Variants in ANKS3 observed in about 807,000 individuals in gnomAD.
The protein encoded by ANKS3 is ankyrin repeat and SAM domain-containing protein 3.
ANKS3 carries 62 observed loss-of-function variants against 80.7 expected under a neutral mutation model. That is an observed-to-expected ratio of 0.77 (90% confidence interval 0.63 to 0.95). The LOEUF (loss-of-function observed/expected upper bound fraction) is 0.95. Ranked by LOEUF, ANKS3 falls within the 40% of genes least tolerant of loss-of-function variation. The pLI, the probability that ANKS3 is intolerant of heterozygous loss-of-function variation, is 0.00. For missense variants in ANKS3, 1,150 were observed against 883.6 expected, an observed-to-expected ratio of 1.30 and a Z score of -3.82; for synonymous variants, 489 against 355.3, an observed-to-expected ratio of 1.38 and a Z score of -4.23.
chr16:4,729,918 T>C lies in ANKS3; in HGVS notation c.170+62A>G, dbSNP rs545957274. On this transcript the variant is annotated intron_variant, in intron 3 of 17. Transcript: ENST00000304283. The stretch of plus-strand genomic sequence containing the variant: ...CAACTGTGTGCAAAGCCCCATCACG[T>C]GGGATCGAAGCCATCACTGCGCTGC... The C allele has an allele frequency of 3.6e-6, 5 of 1,374,012 alleles. No individual in the cohort carries two copies. In the Admixed American group the frequency reaches 7.9e-5, roughly 22 times the overall value. 85.1% of individuals were successfully genotyped at this position (1,374,012 alleles called of 1,614,324 possible).
intron 11 of ANKS3, chr16:4,700,056 G>C (rs902865709): frequency 6.6e-6 from 1 of 152,474 alleles, no homozygotes; most frequent in Non-Finnish European, 1.5e-5. Context: ...GCTGCAGGGA[G>C]AAGCCGGCAA....
In ANKS3 at chr16:4,724,691, G is replaced by C. The variant is rs746599444; in HGVS notation, c.573+59C>G. Reference sequence around the variant, plus strand: ...AAATTCTGTAATAGCTTATACTTCAGTAATATGATTCCTCATTTGCCGTGA... The same window carrying C: ...AAATTCTGTAATAGCTTATACTTCACTAATATGATTCCTCATTTGCCGTGA... On this transcript the variant is annotated intron_variant, in intron 6 of 17. Transcript: ENST00000304283. 159 of 1,478,926 alleles carry C rather than the reference G, an allele frequency of 1.1e-4. 1 individual carries two copies. The highest frequency in any genetic ancestry group is 4.7e-4 in the Admixed American group (27 of 57,362). 91.6% of individuals were successfully genotyped at this position (1,478,926 alleles called of 1,614,324 possible). A position where few individuals can be genotyped will look rare whatever the true frequency, so the allele number is the denominator to read the frequency against.
chr16:4,707,271 C>T (rs746467344), intron 7 of ANKS3, among the ~76,000 whole-genome samples: 11 of 145,962 alleles, frequency 7.5e-5, no homozygotes, highest in Admixed American at 5.7e-4. Context: ...AAATATGACA[C>T]GGAAGGACAC....
chr16:4,730,445 G>C (rs1358503565), intron 2 of ANKS3, among the ~76,000 whole-genome samples: 2 of 152,164 alleles, frequency 1.3e-5, no homozygotes, highest in Non-Finnish European at 2.9e-5. Flanking sequence ...AGGTAAAAGA[G>C]AATTCTCCAC....
chr16:4,700,594 G>A, intron 11 of ANKS3: 1 of 368,704 alleles, frequency 2.7e-6, no homozygotes, highest in South Asian at 2.1e-5. Context: ...GAGGAGGATG[G>A]TGGCAGCTGT....
intron 6 of ANKS3, among the ~76,000 whole-genome samples, chr16:4,715,547 G>C (rs1431974116): frequency 5.3e-5 from 8 of 152,178 alleles, no homozygotes; most frequent in Non-Finnish European, 7.3e-5. Flanking sequence ...AGCGAGCTGA[G>C]ATCGCACCAC....
At chr16:4,732,678 C>CAAAAAAAAAAAAAAAAAAAAAA (rs373806788) in intron 1 of ANKS3, among the ~76,000 whole-genome samples, 1 of 69,962 alleles carries the variant, frequency 1.4e-5, no homozygotes. Context: ...AATTCTGTCT[C>CAAAAAAAAAAAAAAAAAAAAAA]AAAAAAAAAA....
chr16:4,705,120 G>A lies in ANKS3; in HGVS notation c.843C>T (p.Gly281=), dbSNP rs763735355. The stretch of plus-strand genomic sequence containing the variant: ...CATAGCGAGGCCGTGGGGCTCTGCC[G>A]CCCAGGCCAATGCCTGTGATCCTGG... The part of the protein sequence containing the change: ...ALARITGIGL[G]GRAPRPRYEQ... The change falls in exon 8 of 18, where the codon GGC becomes GGT. Residue 281 remains glycine, a synonymous_variant. Transcript: ENST00000304283. 26 of 1,612,794 alleles carry A rather than the reference G, an allele frequency of 1.6e-5. No individual in the cohort carries two copies. Among genetic ancestry groups the A allele is most frequent in the East Asian group, 2.2e-5 (1 of 44,884 alleles).
chr16:4,701,238 C>T (rs1363479958), intron 10 of ANKS3, 104 bp from the exon 11 acceptor site: 1 of 1,536,964 alleles, frequency 6.5e-7, no homozygotes, highest in African/African-American at 1.4e-5. Context: ...CGTGAAACCC[C>T]CCACCCGCCA....
In ANKS3 at chr16:4,727,193, A is replaced by T; in HGVS notation, c.171-16T>A. 4 of 1,613,260 alleles carry T rather than the reference A, an allele frequency of 2.5e-6. No individual in the cohort carries two copies. The highest frequency in any genetic ancestry group is 3.4e-6 in the Non-Finnish European group (4 of 1,179,786). On this transcript the variant is annotated splice_polypyrimidine_tract_variant and intron_variant, in intron 3 of 17. Coordinates refer to ENST00000304283, the MANE Select transcript of ANKS3 (RefSeq NM_133450.4). ...TAACTCTCTCCTAAACAAACGCAAG[A>T]TATGCTAGACATGGCCAGCCGCCTC...
chr16:4,701,061 C>T lies in ANKS3; in HGVS notation c.1193G>A (p.Ser398Asn). 1 of 1,614,116 alleles carries T rather than the reference C, an allele frequency of 6.2e-7. No homozygotes were observed. Among genetic ancestry groups the T allele is most frequent in the Non-Finnish European group, 8.5e-7 (1 of 1,180,040 alleles). Residue 398 changes from serine (S) to asparagine (N), a missense_variant, in exon 11 of 18, where the codon AGC (serine) becomes AAC (asparagine). Transcript: ENST00000304283. ...KSYMKTKNPD[S>N]QWPPRAATDR... is the part of the protein sequence containing the mutation. ...AGTTGCAGCGCGGGGAGGCCACTGG[C>T]TGTCAGGATTCTTGGTCTTCATGTA... is the stretch of plus-strand genomic sequence containing the variant.
intron 7 of ANKS3, among the ~76,000 whole-genome samples, chr16:4,706,435 C>A (rs906225982): frequency 1.6e-4 from 25 of 152,020 alleles, no homozygotes; most frequent in Non-Finnish European, 2.8e-4. Context: ...CGGGGTTTCA[C>A]CATGTTGGCC....
In ANKS3 at chr16:4,701,436, CGTT is replaced by C; in HGVS notation, c.1114_1116del (p.Asn372del). Reference sequence around the variant, plus strand: ...ACCAAGAAAGAAAGAATCCGTACCTCGTTGCTCTCCACAGAAGCTTCGCTGCTG... The same window carrying C: ...ACCAAGAAAGAAAGAATCCGTACCTCGCTCTCCACAGAAGCTTCGCTGCTG... On this transcript the variant is annotated inframe_deletion, in exon 10 of 18. Coordinates refer to ENST00000304283, the MANE Select transcript of ANKS3 (RefSeq NM_133450.4). 6.3e-7 allele frequency: 1 copy of C among 1,598,152 alleles called. No homozygotes were observed. Among genetic ancestry groups the C allele is most frequent in the South Asian group, 1.1e-5 (1 of 90,228 alleles).
rs2081368831 is a variant in ANKS3, at chr16:4,726,652, C to T, written c.491+7G>A. The stretch of plus-strand genomic sequence containing the variant: ...ACTCCTGTGGCCACTAAAGATGTGG[C>T]AATCACCTCACGTTGGCATTGGCTC... On this transcript the variant is annotated splice_region_variant and intron_variant, in intron 5 of 17. Coordinates refer to ENST00000304283, the MANE Select transcript of ANKS3 (RefSeq NM_133450.4). The T allele has an allele frequency of 1.2e-6, 2 of 1,612,952 alleles. No homozygotes were observed. Among genetic ancestry groups the T allele is most frequent in the Non-Finnish European group, 1.7e-6 (2 of 1,179,134 alleles).
chr16:4,706,942 G>C (rs997035534), intron 7 of ANKS3, among the ~76,000 whole-genome samples: 1 of 152,214 alleles, frequency 6.6e-6, no homozygotes, highest in African/African-American at 2.4e-5. Context: ...GGAGAGCTCA[G>C]GCCCTGAACG....
chr16:4,699,474 G>C (rs766049184), intron 11 of ANKS3: 12 of 415,992 alleles, frequency 2.9e-5, no homozygotes, highest in South Asian at 5.5e-5. Flanking sequence ...TGCTGATCTC[G>C]ACAATGCTTT....
Position 4,726,969 on chromosome 16 carries a change from C to T in ANKS3, c.369+10G>A, listed in dbSNP as rs1161161250. 16 of 1,613,890 alleles carry T rather than the reference C, an allele frequency of 9.9e-6. No individual in the cohort carries two copies. Among genetic ancestry groups the T allele is most frequent in the East Asian group, 4.5e-5 (2 of 44,888 alleles). On this transcript the variant is annotated intron_variant, in intron 4 of 17. Transcript: ENST00000304283. ...TCAGGTTTCTGGGCCTGAGTTCCCT[C>T]GTAGCTCACCTGGAGAAGAAAGTAG...
chr16:4,725,706 G>A (rs186448577), intron 5 of ANKS3, among the ~76,000 whole-genome samples: 36 of 152,306 alleles, frequency 2.4e-4, no homozygotes, highest in Admixed American at 6.5e-4. Context: ...TGCTCAGGCT[G>A]GAGTGCAGTG....
chr16:4,730,287 G>A (rs1596464731), intron 2 of ANKS3, 136 bp from the exon 3 acceptor site: 1 of 770,502 alleles, frequency 1.3e-6, no homozygotes, highest in East Asian at 3.3e-5. Flanking sequence ...GAGTAACTCA[G>A]ACAAATTTAT....
Sources: gnomAD v4.1 joint callset for allele counts (sites outside exome capture counted in the v4.1 genomes callset) on GRCh38, gnomAD v4.1.1 for gene constraint, MANE v1.5 for transcripts, NCBI Gene and HGNC (gene_info 2026-07-23, HGNC 2026-07-21) for gene names.